ADAM22: variants seen among roughly 807,000 people sequenced by gnomAD.
The protein encoded by ADAM22 is disintegrin and metalloproteinase domain-containing protein 22.
Under a neutral mutation model 144.6 loss-of-function variants are expected in ADAM22, and 65 were observed. That is an observed-to-expected ratio of 0.45 (90% CI 0.37 to 0.55). The LOEUF is 0.55. Ranked by LOEUF, ADAM22 falls within the 20% of genes least tolerant of loss-of-function variation. The pLI, the probability that ADAM22 is intolerant of heterozygous loss-of-function variation, is 0.00. For missense variants in ADAM22, 974 were observed against 1,184.9 expected (o/e 0.82, Z 2.61); for synonymous variants, 391 against 412.6 (o/e 0.95, Z 0.63).
chr7:87,973,777 T>C, intron 2 of ADAM22, among the ~76,000 whole-genome samples: 1 of 152,184 alleles, frequency 6.6e-6, no homozygotes, highest in Non-Finnish European at 1.5e-5. Flanking sequence ...GATGAGCTCA[T>C]GTCCTTTGTA....
chr7:88,057,292 A>G (rs778446558), intron 3 of ADAM22, among the ~76,000 whole-genome samples: 27 of 152,166 alleles, frequency 1.8e-4, no homozygotes, highest in Non-Finnish European at 3.7e-4. Flanking sequence ...ATGGAATAAC[A>G]TCAATAGGGT....
At chr7:88,052,341 C>CA (rs58959590) in intron 3 of ADAM22, among the ~76,000 whole-genome samples, 7,057 of 126,392 alleles carry the variant, frequency 0.056, 246 homozygotes, top group Non-Finnish European at 0.074. Flanking sequence ...ACTAAAAATG[C>CA]AAAAAAAAAA....
intron 26 of ADAM22, among the ~76,000 whole-genome samples, chr7:88,175,478 G>T (rs532505770): frequency 2.0e-5 from 3 of 152,098 alleles, no homozygotes; most frequent in African/African-American, 7.2e-5. Context: ...AAGTTGTACA[G>T]AGAAGAAAAA....
Position 88,075,657 on chromosome 7 carries a change from C to T in ADAM22, c.355C>T (p.His119Tyr), listed in dbSNP as rs4728730. Residue 119 changes from histidine (H) to tyrosine (Y), a missense_variant, in exon 4 of 32, where the codon CAC becomes TAC. By Grantham distance (83) the His-to-Tyr change is moderately conservative (BLOSUM62 2). Transcript: ENST00000413139. The stretch of plus-strand genomic sequence containing the variant: ...GCTGTCCTCTGAATACATAGAGAGA[C>T]ACATTGAACATGGAGGCAAGACTGT... ...DLLSSEYIER[H>Y]IEHGGKTVEV... The T allele has an allele frequency of 2.6e-3, 4,256 of 1,613,714 alleles. 79 individuals carry two copies. The East Asian group carries it at 0.049, about 19-fold the overall frequency.
chr7:88,185,083 C>T (rs1847987523), intron 29 of ADAM22, among the ~76,000 whole-genome samples: 1 of 152,184 alleles, frequency 6.6e-6, no homozygotes, highest in Non-Finnish European at 1.5e-5. Context: ...TTTGTGGCTG[C>T]ACTTGGCTTT....
intron 2 of ADAM22, among the ~76,000 whole-genome samples, chr7:87,952,108 C>G (rs1845385322): frequency 6.6e-6 from 1 of 151,604 alleles, no homozygotes; most frequent in African/African-American, 2.4e-5. Context: ...TTGACTTCCT[C>G]TTTTCCTAAT....
At chr7:88,190,265 T>G (rs1309672167) in intron 30 of ADAM22, among the ~76,000 whole-genome samples, 1 of 152,102 alleles carries the variant, frequency 6.6e-6, no homozygotes, top group Non-Finnish European at 1.5e-5. Context: ...CTGGGTGGGG[T>G]GCCTCATGCC....
At chr7:87,997,485 G>C (rs1791508983) in intron 3 of ADAM22, among the ~76,000 whole-genome samples, 1 of 152,224 alleles carries the variant, frequency 6.6e-6, no homozygotes, top group Non-Finnish European at 1.5e-5. Context: ...AAGTCATCTG[G>C]TCTACGCTTC....
rs903674847 is a variant in ADAM22, at chr7:88,069,361, C to T, written c.324-6265C>T. Among the ~76,000 whole-genome samples, 10 of 152,228 alleles carry T rather than the reference C, an allele frequency of 6.6e-5. No individual in the cohort carries two copies. In the East Asian group the frequency reaches 1.4e-3, roughly 21 times the overall value. ...ACTTCCCAGCCTCTGGAACTGTGAG[C>T]CAACATATTTCTGTTCATTCTACAT... On this transcript the variant is annotated intron_variant, in intron 3 of 31. Transcript: ENST00000413139.
rs1020689960 is a variant in ADAM22, at chr7:88,012,029, T to A, written c.323+33617T>A. On this transcript the variant is annotated intron_variant, in intron 3 of 31. Transcript: ENST00000413139. ...GTTCTTAGTAGAGTATTGTGTTCTG[T>A]TTTTTTTTCTTTTTTTTTTTTGTCC... Among the ~76,000 whole-genome samples, 24 of 95,736 alleles carry A rather than the reference T, an allele frequency of 2.5e-4. 1 individual carries two copies. Among genetic ancestry groups the A allele is most frequent in the South Asian group, 1.7e-3 (4 of 2,410 alleles). The allele number at this position is 95,736 out of a possible 152,430, so 62.8% of individuals were successfully genotyped here.
At chr7:88,090,175 TCCTTGCTGC>T (rs758119091) in intron 4 of ADAM22, among the ~76,000 whole-genome samples, 41 of 152,340 alleles carry the variant, frequency 2.7e-4, no homozygotes, top group Non-Finnish European at 5.4e-4. Context: ...TTTTATGTTT[TCCTTGCTGC>T]ACTTGCTGGG....
chr7:88,159,381 A>G (rs1439655453), intron 22 of ADAM22, among the ~76,000 whole-genome samples: 1 of 152,132 alleles, frequency 6.6e-6, no homozygotes, highest in Non-Finnish European at 1.5e-5. Flanking sequence ...ATTGAGGAGG[A>G]GTGACTCCTC....
At position 88,202,260 on chromosome 7, in the gene ADAM22, G is replaced by T. The variant is rs777576342; in HGVS notation, c.*5769G>T. The T allele has an allele frequency of 5.9e-5, 9 of 151,960 alleles. No individual in the cohort carries two copies. The highest frequency in any genetic ancestry group is 5.9e-4 in the Admixed American group (9 of 15,254). 9.4% of individuals were successfully genotyped at this position (151,960 alleles called of 1,614,324 possible). A position where few individuals can be genotyped will look rare whatever the true frequency, so the allele number is the denominator to read the frequency against. On this transcript the variant is annotated 3_prime_UTR_variant, in exon 32 of 32. Coordinates refer to ENST00000413139, the MANE Select transcript of ADAM22 (RefSeq NM_001324418.2). The stretch of plus-strand genomic sequence containing the variant: ...AACTGCAAAACTGCTTTAAAAAAAG[G>T]CTTATTCAGGATAGATAAGCATGTA...
At chr7:88,022,253 C>CT (rs1210616909) in intron 3 of ADAM22, among the ~76,000 whole-genome samples, 2 of 152,032 alleles carry the variant, frequency 1.3e-5, no homozygotes, top group Non-Finnish European at 2.9e-5. Flanking sequence ...CATCACTTAC[C>CT]TATTAATGTG....
chr7:88,045,425 T>C (rs1009959285), intron 3 of ADAM22, among the ~76,000 whole-genome samples: 2 of 152,120 alleles, frequency 1.3e-5, no homozygotes, highest in African/African-American at 4.8e-5. Context: ...TATTAAGATA[T>C]GATTGAAAAA....
At chr7:87,993,240 C>T (rs1244741010) in intron 3 of ADAM22, among the ~76,000 whole-genome samples, 2 of 152,176 alleles carry the variant, frequency 1.3e-5, no homozygotes, top group African/African-American at 4.8e-5. Context: ...ACTAAATGTA[C>T]ACCCCTTTAC....
rs1234932072 is a variant in ADAM22 at position 88,116,727 on chromosome 7, T to A, written c.538-18T>A. ...TCCTGTTGTACATGCTTAATCACTG[T>A]TGCTTGTGTCATTTCAGGAGGATTT... is the stretch of plus-strand genomic sequence containing the variant. On this transcript the variant is annotated intron_variant, in intron 6 of 31. Coordinates refer to ENST00000413139, the MANE Select transcript of ADAM22 (RefSeq NM_001324418.2). 6.2e-7 allele frequency: 1 copy of A among 1,605,828 alleles called. No homozygotes were observed. Among genetic ancestry groups the A allele is most frequent in the Non-Finnish European group, 8.5e-7 (1 of 1,172,938 alleles).
chr7:88,040,431 C>T (rs1258338494), intron 3 of ADAM22, among the ~76,000 whole-genome samples: 2 of 152,002 alleles, frequency 1.3e-5, no homozygotes, highest in Non-Finnish European at 2.9e-5. Flanking sequence ...TGAGCCTAGC[C>T]AACACATCCA....
At chr7:88,092,769 T>C (rs1339464811) in intron 4 of ADAM22, among the ~76,000 whole-genome samples, 2 of 152,228 alleles carry the variant, frequency 1.3e-5, no homozygotes, top group African/African-American at 4.8e-5. Context: ...TTGCAAGTGG[T>C]CTTAACTCTG....
Sources: gnomAD v4.1 joint callset for allele counts (sites outside exome capture counted in the v4.1 genomes callset) on GRCh38, gnomAD v4.1.1 for gene constraint, MANE v1.5 for transcripts, NCBI Gene and HGNC (gene_info 2026-07-23, HGNC 2026-07-21) for gene names.